Variants in CLUAP1 observed in about 807,000 individuals in gnomAD.
The protein encoded by CLUAP1 is intraflagellar transport 38.
A neutral mutation model predicts 55.0 loss-of-function variants in CLUAP1; 50 were observed. The ratio of observed to expected loss-of-function variants is 0.91; its 90% CI spans 0.72 to 1.15. CLUAP1 has a LOEUF of 1.15. Among genes scored for constraint, CLUAP1 ranks in the 50% most tolerant of loss-of-function variants. The pLI, the probability that CLUAP1 is intolerant of heterozygous loss-of-function variation, is 0.00. For synonymous variants in CLUAP1, 195 were observed against 175.4 expected (o/e 1.11, Z -0.88); for missense variants, 530 against 507.6 (o/e 1.04, Z -0.42).
upstream of CLUAP1, among the ~76,000 whole-genome samples, chr16:3,497,696 T>C (rs140216570): frequency 4.3e-3 from 656 of 152,350 alleles, 8 homozygotes; most frequent in African/African-American, 0.014. Context: ...TGATCACGGC[T>C]CACTGCAACC....
chr16:3,521,746 A>AT (rs1258771075), intron 7 of CLUAP1, among the ~76,000 whole-genome samples: 4 of 150,710 alleles, frequency 2.7e-5, no homozygotes, highest in African/African-American at 9.7e-5. Context: ...TTTTTAAAAA[A>AT]TTTTTTATCG....
intron 7 of CLUAP1, 86 bp downstream of exon 7, chr16:3,520,122 C>T (rs2037805820): frequency 7.4e-7 from 1 of 1,350,526 alleles, no homozygotes; most frequent in Admixed American, 2.2e-5. Flanking sequence ...TCTGAAATCT[C>T]AGCTACTCAT....
Position 3,532,804 on chromosome 16 carries a change from T to C in CLUAP1, c.1055T>C (p.Ile352Thr), listed in dbSNP as rs765209611. The C allele has an allele frequency of 4.3e-6, 7 of 1,614,014 alleles. No homozygotes were observed. Among genetic ancestry groups the C allele is most frequent in the Non-Finnish European group, 5.9e-6 (7 of 1,180,028 alleles). ...TTCTCAGGAAGACCTGGCAAACGCATTGTGGGCACGATGCAAGGTGGAGAC... is the reference window on the plus strand; with the variant it reads ...TTCTCAGGAAGACCTGGCAAACGCACTGTGGGCACGATGCAAGGTGGAGAC... The part of the protein sequence containing the change: ...MLMQGRPGKR[I>T]VGTMQGGDSD... The change falls in exon 11 of 12, where the codon ATT becomes ACT. Residue 352 changes from isoleucine (I) to threonine (T), a missense_variant. Ile to Thr is a moderately conservative substitution (Grantham distance 89, BLOSUM62 -1). Transcript: ENST00000576634.
chr16:3,538,133 A>G lies in CLUAP1; in HGVS notation c.*1862A>G, dbSNP rs1263602865. 1 of 152,054 alleles carries G rather than the reference A, an allele frequency of 6.6e-6. No individual in the cohort carries two copies. Among genetic ancestry groups the G allele is most frequent in the Admixed American group, 6.6e-5 (1 of 15,266 alleles). The allele number at this position is 152,054 out of a possible 1,614,324, so 9.4% of individuals were successfully genotyped here. On this transcript the variant is annotated 3_prime_UTR_variant, in exon 12 of 12. Transcript: ENST00000576634. ...ATACATGTATTTAACACCATACTTCATATTATTAAATAGGTTTTACTTAAA... is the reference window on the plus strand; with the variant it reads ...ATACATGTATTTAACACCATACTTCGTATTATTAAATAGGTTTTACTTAAA...
rs529162541 is a variant in CLUAP1 at position 3,523,162 on chromosome 16, T to C, written c.718T>C (p.Cys240Arg). ...TATTTCATTTGCTTCTTTTAGGCCA[T>C]GTTTTATGGATGAGTATGAGAAGAC... ...RLETLQSVRP[C>R]FMDEYEKTEE... The change falls in exon 8 of 12, where the codon TGT becomes CGT. Residue 240 changes from cysteine to arginine, a missense_variant. Physicochemically the swap from Cys to Arg is radical, Grantham distance 180. Coordinates refer to ENST00000576634, the MANE Select transcript of CLUAP1 (RefSeq NM_015041.3). 5 of 1,608,894 alleles carry C rather than the reference T, an allele frequency of 3.1e-6. No individual in the cohort carries two copies. The East Asian group carries it at 8.9e-5, about 29-fold the overall frequency.
chr16:3,522,020 C>G (rs1335257756), intron 7 of CLUAP1, among the ~76,000 whole-genome samples: 1 of 152,126 alleles, frequency 6.6e-6, no homozygotes, highest in Non-Finnish European at 1.5e-5. Context: ...GATCACACCA[C>G]TGCACTGTAG....
chr16:3,505,943 C>T (rs1229693326), intron 2 of CLUAP1, among the ~76,000 whole-genome samples: 1 of 152,184 alleles, frequency 6.6e-6, no homozygotes, highest in Non-Finnish European at 1.5e-5. Context: ...TCTGCTGACC[C>T]CTGGTTTCAA....
intron 6 of CLUAP1, among the ~76,000 whole-genome samples, chr16:3,518,832 G>A (rs150408592): frequency 6.6e-6 from 1 of 152,184 alleles, no homozygotes; most frequent in Non-Finnish European, 1.5e-5. Context: ...CCTGAGAGTT[G>A]TGGAGAGTGT....
upstream of CLUAP1, among the ~76,000 whole-genome samples, chr16:3,497,155 C>G (rs916754736): frequency 5.3e-5 from 8 of 151,322 alleles, 1 homozygote; most frequent in Admixed American, 5.3e-4. Flanking sequence ...ACAGGCATGA[C>G]CCACCGCGCC....
chr16:3,512,651 T>C (rs1335222343), intron 5 of CLUAP1, among the ~76,000 whole-genome samples, 173 bp downstream of exon 5: 1 of 152,182 alleles, frequency 6.6e-6, no homozygotes, highest in Non-Finnish European at 1.5e-5. Context: ...TGGTGGGCAC[T>C]GGTCTAGCTT....
chr16:3,495,521 C>A, the CLUAP1 span: 4 of 1,545,620 alleles, frequency 2.6e-6, no homozygotes, highest in Admixed American at 5.9e-5. Context: ...CCCCTGGCAA[C>A]TGGTTCTTAT....
chr16:3,498,837 G>C (rs1314468945), upstream of CLUAP1, among the ~76,000 whole-genome samples: 4 of 151,802 alleles, frequency 2.6e-5, no homozygotes, highest in Non-Finnish European at 4.4e-5. Flanking sequence ...CTCCAGACTG[G>C]GTAACAGAGC....
At chr16:3,523,728 G>T (rs887994249) in intron 8 of CLUAP1, among the ~76,000 whole-genome samples, 2 of 152,200 alleles carry the variant, frequency 1.3e-5, no homozygotes, top group Admixed American at 6.5e-5. Context: ...GCTTTGGGAG[G>T]CCAAGACGAG....
chr16:3,500,991 G>C, upstream of CLUAP1: 1 of 1,457,716 alleles, frequency 6.9e-7, no homozygotes, highest in East Asian at 2.4e-5. Flanking sequence ...GGTTGCCATA[G>C]AGATCGTCGA....
At chr16:3,507,290 T>C (rs1382620817) in intron 3 of CLUAP1, among the ~76,000 whole-genome samples, 1 of 151,922 alleles carries the variant, frequency 6.6e-6, no homozygotes, top group African/African-American at 2.4e-5. Context: ...TGGTTGTTCA[T>C]GCCTGTAATC....
intron 6 of CLUAP1, among the ~76,000 whole-genome samples, chr16:3,519,238 C>T (rs1311120216): frequency 1.3e-5 from 2 of 152,238 alleles, no homozygotes; most frequent in Non-Finnish European, 2.9e-5. Context: ...CTCTGTTGCC[C>T]AAGGGCCTCT....
At position 3,537,140 on chromosome 16, in the gene CLUAP1, A is replaced by G. The variant is rs1487823809; in HGVS notation, c.*869A>G. On this transcript the variant is annotated 3_prime_UTR_variant, in exon 12 of 12. Coordinates refer to ENST00000576634, the MANE Select transcript of CLUAP1 (RefSeq NM_015041.3). The stretch of plus-strand genomic sequence containing the variant: ...TTTGTTTTGTCTAAAGTGTGGCAAG[A>G]CATAGTGCACAACACAGGGACAAAG... 2 of 152,226 alleles carry G rather than the reference A, an allele frequency of 1.3e-5. No individual in the cohort carries two copies. The highest frequency in any genetic ancestry group is 4.8e-5 in the African/African-American group (2 of 41,442). The allele number at this position is 152,226 out of a possible 1,614,324, so 9.4% of individuals were successfully genotyped here. A position where few individuals can be genotyped will look rare whatever the true frequency, so the allele number is the denominator to read the frequency against.
intron 7 of CLUAP1, among the ~76,000 whole-genome samples, chr16:3,522,134 A>G (rs2037850162): frequency 1.3e-5 from 2 of 152,204 alleles, no homozygotes; most frequent in East Asian, 1.9e-4. Flanking sequence ...CTTTAAATTT[A>G]TAATATCCTG....
At chr16:3,496,436 A>G (rs2151033819), upstream of CLUAP1, 1 of 1,026,862 alleles carries the variant, frequency 9.7e-7, no homozygotes, top group East Asian at 3.6e-5. Flanking sequence ...CTGGGAAAAC[A>G]AAACGGCCGT....
Sources: gnomAD v4.1 joint callset for allele counts (sites outside exome capture counted in the v4.1 genomes callset) on GRCh38, gnomAD v4.1.1 for gene constraint, MANE v1.5 for transcripts, NCBI Gene and HGNC (gene_info 2026-07-23, HGNC 2026-07-21) for gene names.